Variants in TJP1 observed in about 807,000 individuals in gnomAD.
The protein encoded by TJP1 is tight junction protein 1, also known as tight junction protein ZO-1.
Under a neutral mutation model 194.2 loss-of-function variants are expected in TJP1, and 43 were observed. The ratio of observed to expected loss-of-function variants is 0.22; its 90% confidence interval spans 0.17 to 0.29. TJP1 has a LOEUF of 0.29. Ranked by LOEUF, TJP1 falls within the 10% of genes least tolerant of loss-of-function variation. TJP1 has a pLI of 1.00. For missense variants in TJP1, 1,971 were observed against 2,185.7 expected, an observed-to-expected ratio of 0.90 and a Z score of 1.96; for synonymous variants, 801 against 779.0, an observed-to-expected ratio of 1.03 and a Z score of -0.47.
chr15:29,921,519 A>C (rs2054357570), intron 2 of TJP1, among the ~76,000 whole-genome samples: 1 of 152,152 alleles, frequency 6.6e-6, no homozygotes. Context: ...CAGCAAGCTC[A>C]TCTGGAGCTG....
chr15:29,771,059 AT>A (rs1423184909), intron 4 of TJP1, among the ~76,000 whole-genome samples: 4 of 152,014 alleles, frequency 2.6e-5, no homozygotes, highest in Non-Finnish European at 4.4e-5. Context: ...CAGGCATATA[AT>A]TTTTTTATCC....
chr15:29,699,525 C>G (rs1178217571), downstream of TJP1: 1 of 152,130 alleles, frequency 6.6e-6, no homozygotes, highest in Non-Finnish European at 1.5e-5. Flanking sequence ...GGTAAATAAA[C>G]AGTATGTGTT....
intron 2 of TJP1, among the ~76,000 whole-genome samples, chr15:29,872,199 C>T (rs1161303122): frequency 6.6e-6 from 1 of 152,164 alleles, no homozygotes; most frequent in African/African-American, 2.4e-5. Context: ...TTTTCTCTTA[C>T]AAACTCTAGT....
In TJP1 at chr15:29,821,829, GGCTCCCCGCGGCCC is replaced by G. The variant is rs1485611106; in HGVS notation, c.27+159_27+172del. Among the ~76,000 whole-genome samples, 40 of 144,356 alleles carry G rather than the reference GGCTCCCCGCGGCCC, an allele frequency of 2.8e-4. No individual in the cohort carries two copies. In the East Asian group the frequency reaches 4.1e-3, roughly 15 times the overall value. 94.7% of individuals were successfully genotyped at this position (144,356 alleles called of 152,430 possible). On this transcript the variant is annotated intron_variant, in intron 1 of 27. Transcript: ENST00000614355. Reference sequence around the variant, plus strand: ...CGGCCCGCGCCGCCCCCGCCCGAGGGGCTCCCCGCGGCCCGCGGCCCGCGGCCCGCGGCCCCGCG... The same window carrying G: ...CGGCCCGCGCCGCCCCCGCCCGAGGGGCGGCCCGCGGCCCGCGGCCCCGCG...
At chr15:29,892,426 C>A (rs564983204) in intron 2 of TJP1, among the ~76,000 whole-genome samples, 17 of 152,336 alleles carry the variant, frequency 1.1e-4, no homozygotes, top group African/African-American at 4.1e-4. Flanking sequence ...AAGGTGGCTA[C>A]ACCAAACAAC....
intron 8 of TJP1, 158 bp from the exon 9 acceptor site, chr15:29,742,939 A>G (rs1016742331): frequency 1.8e-6 from 1 of 563,352 alleles, no homozygotes; most frequent in Non-Finnish European, 2.7e-6. Flanking sequence ...TTAAAAATAG[A>G]GCATTACCAC....
chr15:29,905,314 C>A (rs2053770258), intron 2 of TJP1, among the ~76,000 whole-genome samples: 2 of 152,086 alleles, frequency 1.3e-5, no homozygotes, highest in South Asian at 4.1e-4. Flanking sequence ...TAATTAGAAA[C>A]ATGTGCAAAG....
In TJP1 at chr15:29,963,632, C is replaced by G. The variant is rs2056235642; in HGVS notation, c.173+5035G>C. 3.9e-5 allele frequency among the ~76,000 whole-genome samples: 6 copies of G among 152,084 alleles called. 1 individual carries two copies. Among genetic ancestry groups the G allele is most frequent in the Admixed American group, 3.9e-4 (6 of 15,260 alleles). ...GTATAAAGAAAATGAAATCACACCCCCTTTTCTCCCTAAGATCACTGTAAA... is the reference window on the plus strand; with the variant it reads ...GTATAAAGAAAATGAAATCACACCCGCTTTTCTCCCTAAGATCACTGTAAA... On this transcript the variant is annotated intron_variant, in intron 1 of 28. Coordinates refer to the TJP1 transcript ENST00000356107.
intron 2 of TJP1, among the ~76,000 whole-genome samples, chr15:29,921,846 T>C (rs899954529): frequency 2.2e-5 from 3 of 138,910 alleles, no homozygotes; most frequent in Non-Finnish European, 4.8e-5. Context: ...TTTCTTTCTT[T>C]CTTTTTTTTT....
chr15:29,835,889 A>AAGAGAGAG (rs143484883), intron 2 of TJP1, among the ~76,000 whole-genome samples: 2 of 149,524 alleles, frequency 1.3e-5, no homozygotes, highest in African/African-American at 2.5e-5. Flanking sequence ...TGGACGGGGA[A>AAGAGAGAG]AGAGAGAGAG....
chr15:29,747,940 C>T (rs573887568), intron 8 of TJP1, among the ~76,000 whole-genome samples: 3 of 152,326 alleles, frequency 2.0e-5, no homozygotes, highest in African/African-American at 7.2e-5. Flanking sequence ...TCCAAAACAA[C>T]ATTTCACATA....
intron 2 of TJP1, among the ~76,000 whole-genome samples, chr15:29,795,985 C>G (rs927424737): frequency 6.6e-6 from 1 of 151,962 alleles, no homozygotes; most frequent in Admixed American, 6.6e-5. Flanking sequence ...TCTCAGTAAA[C>G]TAAGATAAAA....
chr15:29,844,454 C>A (rs1157481799), intron 2 of TJP1, among the ~76,000 whole-genome samples: 1 of 152,112 alleles, frequency 6.6e-6, no homozygotes, highest in African/African-American at 2.4e-5. Context: ...TGAGGTGGCA[C>A]CAGCAGTGAC....
At chr15:29,926,491 A>T (rs912308640) in intron 2 of TJP1, among the ~76,000 whole-genome samples, 1 of 152,186 alleles carries the variant, frequency 6.6e-6, no homozygotes, top group Non-Finnish European at 1.5e-5. Flanking sequence ...GCATGCCTGT[A>T]ATCTCAGCTA....
At chr15:29,730,314 G>A (rs551215146) in intron 15 of TJP1, among the ~76,000 whole-genome samples, 1 of 152,166 alleles carries the variant, frequency 6.6e-6, no homozygotes, top group South Asian at 2.1e-4. Flanking sequence ...GGGTACAGTG[G>A]CTCACACCTG....
intron 1 of TJP1, among the ~76,000 whole-genome samples, chr15:29,815,026 T>C (rs2049814156): frequency 6.6e-6 from 1 of 152,202 alleles, no homozygotes; most frequent in Non-Finnish European, 1.5e-5. Flanking sequence ...AAGGCAATCA[T>C]TCAGAGTCCA....
chr15:29,829,449 G>A (rs1248540028), intron 2 of TJP1, among the ~76,000 whole-genome samples: 4 of 152,080 alleles, frequency 2.6e-5, no homozygotes, highest in African/African-American at 7.2e-5. Flanking sequence ...GAGGGTCCAC[G>A]TGGAGTTTCA....
In TJP1 at chr15:29,864,237, C is replaced by CAAAAAAAAAAAAAAAAAA. The variant is rs397975539; in HGVS notation, c.307-63553_307-63536dup. Among the ~76,000 whole-genome samples the CAAAAAAAAAAAAAAAAAA allele has an allele frequency of 6.9e-4, 13 of 18,942 alleles. 3 individuals are homozygous for CAAAAAAAAAAAAAAAAAA. The highest frequency in any genetic ancestry group is 2.1e-3 in the Admixed American group (2 of 972). 12.4% of individuals were successfully genotyped at this position (18,942 alleles called of 152,430 possible). A position where few individuals can be genotyped will look rare whatever the true frequency, so the allele number is the denominator to read the frequency against. ...TGAAACCCCGTCTCTACTAAAAATA[C>CAAAAAAAAAAAAAAAAAA]AAAAAAAAAAAAAAAAAAAAAAAAA... On this transcript the variant is annotated intron_variant, in intron 2 of 28. Coordinates refer to the TJP1 transcript ENST00000356107.
chr15:29,886,310 T>C (rs2053113311), intron 2 of TJP1, among the ~76,000 whole-genome samples: 1 of 152,158 alleles, frequency 6.6e-6, no homozygotes, highest in Non-Finnish European at 1.5e-5. Flanking sequence ...GCTTTTATTA[T>C]TTAAAAAATT....
Sources: allele counts gnomAD v4.1 joint callset (sites outside exome capture counted in the v4.1 genomes callset), GRCh38; gene constraint gnomAD v4.1.1; transcripts MANE v1.5; gene names NCBI Gene and HGNC (gene_info 2026-07-23, HGNC 2026-07-21).